ETV6: variants seen among roughly 807,000 people sequenced by gnomAD.
ETV6 encodes the protein transcription factor ETV6.
ETV6 carries 16 observed loss-of-function variants against 51.1 expected under a neutral mutation model. The observed-to-expected ratio is 0.31, with a 90% CI of 0.21 to 0.48. ETV6 has a LOEUF of 0.48. ETV6 is among the 20% of genes least tolerant of loss of function. The pLI is 0.99. For missense variants in ETV6, 458 were observed against 594.8 expected (o/e 0.77, Z 2.39); for synonymous variants, 240 against 224.1 (o/e 1.07, Z -0.64).
intron 1 of ETV6, among the ~76,000 whole-genome samples, chr12:11,658,838 T>C (rs534645706): frequency 2.4e-4 from 37 of 152,366 alleles, no homozygotes; most frequent in Admixed American, 2.1e-3. Flanking sequence ...TGGTTCTGAA[T>C]AAGTTTCCAG....
intron 1 of ETV6, among the ~76,000 whole-genome samples, chr12:11,664,217 G>A (rs888474920): frequency 1.3e-5 from 2 of 152,330 alleles, no homozygotes; most frequent in East Asian, 1.9e-4. Context: ...TTGTTACTAC[G>A]ATGCCATGCT....
intron 2 of ETV6, among the ~76,000 whole-genome samples, chr12:11,827,832 G>A (rs974602283): frequency 4.6e-5 from 7 of 152,090 alleles, no homozygotes; most frequent in Non-Finnish European, 7.4e-5. Flanking sequence ...GTCCGTGTGC[G>A]GTTTAAAAGA....
intron 1 of ETV6, among the ~76,000 whole-genome samples, chr12:11,696,372 C>T (rs1015568775): frequency 3.3e-5 from 5 of 152,178 alleles, no homozygotes; most frequent in African/African-American, 7.2e-5. Context: ...ACATGAACTT[C>T]GGGCAAGTTA....
chr12:11,895,161 G>A lies in ETV6; in HGVS notation c.*4115G>A, dbSNP rs1314885919. 2.5e-5 allele frequency: 5 copies of A among 200,116 alleles called. No individual in the cohort carries two copies. Among genetic ancestry groups the A allele is most frequent in the African/African-American group, 4.6e-5 (2 of 43,186 alleles). 12.4% of individuals were successfully genotyped at this position (200,116 alleles called of 1,614,324 possible). On this transcript the variant is annotated 3_prime_UTR_variant, in exon 8 of 8. Transcript: ENST00000396373. ...TTCTTGATGATTTCTCTTTGTGACC[G>A]CAACCACCTGCAAACCAGAACGACT...
chr12:11,887,444 C>G (rs575906621), intron 7 of ETV6, among the ~76,000 whole-genome samples: 1 of 152,234 alleles, frequency 6.6e-6, no homozygotes, highest in South Asian at 2.1e-4. Context: ...AGACACTTGT[C>G]TCGGATTAGA....
chr12:11,650,226 G>T, intron 1 of ETV6, 66 bp downstream of exon 1: 1 of 1,395,564 alleles, frequency 7.2e-7, no homozygotes, highest in Non-Finnish European at 1.0e-6. Context: ...GGGCAGTCGT[G>T]CTGGGCTCCT....
intron 1 of ETV6, among the ~76,000 whole-genome samples, chr12:11,735,125 T>C (rs903434436): frequency 8.7e-6 from 1 of 115,318 alleles, no homozygotes. Flanking sequence ...TAATACTAGG[T>C]CCTGCTTCCA....
intron 2 of ETV6, chr12:11,752,844 G>A (rs150019201): frequency 4.9e-4 from 159 of 322,348 alleles, no homozygotes; most frequent in Middle Eastern, 3.4e-3. Flanking sequence ...GCAGTATATG[G>A]CAGAGCCAAC....
At position 11,784,208 on chromosome 12, in the gene ETV6, T is replaced by C. The variant is rs546518465; in HGVS notation, c.163+31629T>C. 9.9e-5 allele frequency among the ~76,000 whole-genome samples: 15 copies of C among 152,212 alleles called. No individual in the cohort carries two copies. The East Asian group carries it at 2.1e-3, about 22-fold the overall frequency. On this transcript the variant is annotated intron_variant, in intron 2 of 7. Transcript: ENST00000396373. The stretch of plus-strand genomic sequence containing the variant: ...ACTTTGGGAGGCCAAGGTGGGCGGA[T>C]CACTTGAGATCAGGAGTTCGAGACC...
At chr12:11,667,168 C>T (rs1864210116) in intron 1 of ETV6, among the ~76,000 whole-genome samples, 1 of 152,200 alleles carries the variant, frequency 6.6e-6, no homozygotes, top group African/African-American at 2.4e-5. Context: ...TTTCCAGTGT[C>T]CAGCACGGTG....
At chr12:11,658,459 T>A (rs796497306) in intron 1 of ETV6, among the ~76,000 whole-genome samples, 3 of 152,328 alleles carry the variant, frequency 2.0e-5, no homozygotes, top group African/African-American at 7.2e-5. Context: ...GGACTCAAAC[T>A]CCCGACTTCA....
chr12:11,799,184 T>A lies in ETV6; in HGVS notation c.164-39956T>A, dbSNP rs370288174. Among the ~76,000 whole-genome samples, 100 of 152,298 alleles carry A rather than the reference T, an allele frequency of 6.6e-4. No homozygotes were observed. The South Asian group carries it at 0.02, about 30-fold the overall frequency. On this transcript the variant is annotated intron_variant, in intron 2 of 7. Coordinates refer to ENST00000396373, the MANE Select transcript of ETV6 (RefSeq NM_001987.5). ...AGCTACCCACAGACATTCTTATCCA[T>A]GTAGCCCGAGGAGAGAATGGGCTCA...
At chr12:11,803,003 G>T (rs572911576) in intron 2 of ETV6, among the ~76,000 whole-genome samples, 96 of 152,310 alleles carry the variant, frequency 6.3e-4, no homozygotes, top group African/African-American at 2.3e-3. Flanking sequence ...AGAACGTCTT[G>T]TAAGTGCTTG....
intron 2 of ETV6, among the ~76,000 whole-genome samples, chr12:11,780,481 A>C (rs563587971): frequency 6.6e-6 from 1 of 152,264 alleles, no homozygotes; most frequent in Non-Finnish European, 1.5e-5. Flanking sequence ...CTTTTATTGG[A>C]GGTATATTGG....
intron 4 of ETV6, among the ~76,000 whole-genome samples, chr12:11,857,138 C>T (rs997840749): frequency 7.2e-5 from 11 of 152,246 alleles, no homozygotes; most frequent in African/African-American, 1.9e-4. Context: ...ACAAACTTAA[C>T]CAGTTCAGAC....
intron 1 of ETV6, among the ~76,000 whole-genome samples, chr12:11,719,369 G>A (rs763830044): frequency 5.9e-5 from 9 of 152,196 alleles, no homozygotes; most frequent in Non-Finnish European, 1.0e-4. Context: ...ATAGACCCAC[G>A]AAAGATCCTG....
At chr12:11,889,038 G>A (rs1423732444) in intron 7 of ETV6, among the ~76,000 whole-genome samples, 1 of 151,612 alleles carries the variant, frequency 6.6e-6, no homozygotes, top group East Asian at 1.9e-4. Flanking sequence ...AAACCTTTCA[G>A]TTAATGCTTA....
intron 2 of ETV6, among the ~76,000 whole-genome samples, chr12:11,768,724 C>T (rs1945198784): frequency 6.6e-6 from 1 of 152,204 alleles, no homozygotes; most frequent in South Asian, 2.1e-4. Context: ...AAACATCACC[C>T]TTGCCCTTGC....
At chr12:11,669,051 C>G (rs77606092) in intron 1 of ETV6, among the ~76,000 whole-genome samples, 62 of 152,318 alleles carry the variant, frequency 4.1e-4, no homozygotes, top group African/African-American at 1.4e-3. Flanking sequence ...TGTACACACC[C>G]GCATGCACAT....
Sources: gnomAD v4.1 joint callset for allele counts (sites outside exome capture counted in the v4.1 genomes callset) on GRCh38, gnomAD v4.1.1 for gene constraint, MANE v1.5 for transcripts, NCBI Gene and HGNC (gene_info 2026-07-23, HGNC 2026-07-21) for gene names.